Variants in SYT1 observed in about 807,000 individuals in gnomAD.
SYT1 encodes the protein synaptotagmin 1.
Under a neutral mutation model 44.8 loss-of-function variants are expected in SYT1, and 8 were observed. That is an observed-to-expected ratio of 0.18 (90% CI 0.10 to 0.32). The LOEUF is 0.32. Among genes scored for constraint, SYT1 ranks in the 10% least tolerant of loss-of-function variants. The pLI, the probability that SYT1 is intolerant of heterozygous loss-of-function variation, is 1.00. For missense variants in SYT1, 286 were observed against 509.3 expected, an observed-to-expected ratio of 0.56 and a Z score of 4.22; for synonymous variants, 154 against 188.8, an observed-to-expected ratio of 0.82 and a Z score of 1.51.
At chr12:79,018,704 A>G (rs1054888813) in intron 2 of SYT1, among the ~76,000 whole-genome samples, 4 of 152,022 alleles carry the variant, frequency 2.6e-5, no homozygotes, top group Admixed American at 1.3e-4. Context: ...CATTCCTGGA[A>G]GAAAAGTTGC....
At chr12:79,185,999 A>G (rs1379501737) in intron 3 of SYT1, among the ~76,000 whole-genome samples, 5 of 151,908 alleles carry the variant, frequency 3.3e-5, no homozygotes, top group South Asian at 2.1e-4. Context: ...AGCATTTTTT[A>G]TATCTTTCTT....
At chr12:78,978,469 A>C (rs531360349) in intron 2 of SYT1, among the ~76,000 whole-genome samples, 2 of 152,346 alleles carry the variant, frequency 1.3e-5, no homozygotes, top group East Asian at 3.9e-4. Flanking sequence ...AAGTACATAT[A>C]TCACACTGTG....
At chr12:78,935,204 G>A (rs1015440051) in intron 1 of SYT1, among the ~76,000 whole-genome samples, 3 of 152,174 alleles carry the variant, frequency 2.0e-5, no homozygotes, top group Non-Finnish European at 1.5e-5. Flanking sequence ...GAGACATCCC[G>A]TCCCCTCGGT....
intron 3 of SYT1, among the ~76,000 whole-genome samples, chr12:79,176,135 A>G (rs1391755262): frequency 6.6e-6 from 1 of 151,888 alleles, no homozygotes; most frequent in Non-Finnish European, 1.5e-5. Flanking sequence ...TACTAAAAAT[A>G]CAAAATTAGC....
At chr12:79,188,613 G>C (rs1185539151) in intron 3 of SYT1, among the ~76,000 whole-genome samples, 1 of 151,984 alleles carries the variant, frequency 6.6e-6, no homozygotes, top group Admixed American at 6.6e-5. Flanking sequence ...TTTATTCTTT[G>C]TTCCATTTCA....
At chr12:79,190,036 C>G (rs2138445240) in intron 3 of SYT1, among the ~76,000 whole-genome samples, 1 of 152,262 alleles carries the variant, frequency 6.6e-6, no homozygotes, top group East Asian at 1.9e-4. Flanking sequence ...ATTTTGCCTT[C>G]CACTCTGGTG....
intron 3 of SYT1, among the ~76,000 whole-genome samples, chr12:79,130,119 T>C (rs1868712594): frequency 6.6e-6 from 1 of 152,188 alleles, no homozygotes; most frequent in African/African-American, 2.4e-5. Flanking sequence ...TATACAGTTA[T>C]AGCCACCAAA....
intron 2 of SYT1, among the ~76,000 whole-genome samples, chr12:78,979,947 T>C (rs111699046): frequency 0.033 from 4,994 of 152,180 alleles, 116 homozygotes; most frequent in Non-Finnish European, 0.05. Context: ...TTTCAACCGA[T>C]CTTTTTGTTA....
intron 3 of SYT1, among the ~76,000 whole-genome samples, chr12:79,146,850 CT>C (rs1393377184): frequency 1.3e-5 from 2 of 151,884 alleles, no homozygotes; most frequent in South Asian, 2.1e-4. Flanking sequence ...ATATCTACTA[CT>C]TTTTTTTGAG....
chr12:79,163,056 A>T (rs548162618), intron 3 of SYT1, among the ~76,000 whole-genome samples: 1 of 152,250 alleles, frequency 6.6e-6, no homozygotes, highest in Admixed American at 6.6e-5. Flanking sequence ...AGCCTTTAAG[A>T]ACTATCCCCA....
rs1360408374 is a variant in SYT1, at chr12:79,217,608, C to G, written c.89C>G (p.Ala30Gly). ...TVLPSNATEP[A>G]SPGEGKEDAF... The stretch of plus-strand genomic sequence containing the variant: ...CTGCCAAGCAACGCCACAGAGCCAG[C>G]CAGTCCTGGAGAAGGAAAGGAAGAT... Residue 30 changes from alanine (A) to glycine (G), a missense_variant, in exon 4 of 11, where the codon GCC (alanine) becomes GGC (glycine). This residue lies in a region of SYT1 where 141 missense variants were observed against 165.7 expected (regional missense o/e 0.85). Transcript: ENST00000261205. 3.1e-6 allele frequency: 5 copies of G among 1,612,658 alleles called. No individual in the cohort carries two copies. In the Admixed American group the frequency reaches 8.4e-5, roughly 27 times the overall value.
rs71091653 is a variant in SYT1, at chr12:79,215,918, C to CTTTTTTTTT, written c.-17-1563_-17-1555dup. ...ACTCACAAATCGTTTGCATTTCTTTCTTTTTTTTTTTTTTTTTTTTTTTTT... is the reference window on the plus strand; with the variant it reads ...ACTCACAAATCGTTTGCATTTCTTTCTTTTTTTTTTTTTTTTTTTTTTTTTTTTTTTTTT... On this transcript the variant is annotated intron_variant, in intron 3 of 10. Transcript: ENST00000261205. Among the ~76,000 whole-genome samples the CTTTTTTTTT allele has an allele frequency of 5.4e-3, 416 of 76,816 alleles. 6 individuals carry two copies. Among genetic ancestry groups the CTTTTTTTTT allele is most frequent in the East Asian group, 0.011 (25 of 2,292 alleles). 50.4% of individuals were successfully genotyped at this position (76,816 alleles called of 152,430 possible). A position where few individuals can be genotyped will look rare whatever the true frequency, so the allele number is the denominator to read the frequency against.
At chr12:79,268,087 A>T (rs1487657738) in intron 4 of SYT1, among the ~76,000 whole-genome samples, 6 of 152,194 alleles carry the variant, frequency 3.9e-5, no homozygotes, top group Non-Finnish European at 7.3e-5. Context: ...AGGGACTGTG[A>T]ATTTGTTCAA....
chr12:79,113,720 A>G (rs1484251303), intron 3 of SYT1, among the ~76,000 whole-genome samples: 1 of 152,102 alleles, frequency 6.6e-6, no homozygotes, highest in African/African-American at 2.4e-5. Context: ...AAGCAGCATT[A>G]TATACCAGAG....
At chr12:78,984,119 A>G (rs1869461895) in intron 2 of SYT1, among the ~76,000 whole-genome samples, 2 of 151,926 alleles carry the variant, frequency 1.3e-5, no homozygotes, top group South Asian at 4.1e-4. Flanking sequence ...ATTCAGACCA[A>G]CCACCAAGAC....
intron 4 of SYT1, among the ~76,000 whole-genome samples, chr12:79,230,832 T>G (rs1248760969): frequency 6.6e-6 from 1 of 152,198 alleles, no homozygotes; most frequent in Non-Finnish European, 1.5e-5. Flanking sequence ...ATTTCAAAGA[T>G]ATTAAGAAAA....
chr12:79,159,077 C>T (rs1348363968), intron 3 of SYT1, among the ~76,000 whole-genome samples: 1 of 151,974 alleles, frequency 6.6e-6, no homozygotes, highest in Non-Finnish European at 1.5e-5. Flanking sequence ...TACATTAGGA[C>T]CAGATTGGAA....
intron 4 of SYT1, among the ~76,000 whole-genome samples, chr12:79,239,280 G>A (rs934024032): frequency 3.3e-5 from 5 of 152,140 alleles, no homozygotes; most frequent in Admixed American, 6.6e-5. Flanking sequence ...TCCCAATTTA[G>A]AGACATTTTG....
At chr12:78,866,822 A>G (rs1030389940) in intron 1 of SYT1, among the ~76,000 whole-genome samples, 2 of 152,144 alleles carry the variant, frequency 1.3e-5, no homozygotes, top group Non-Finnish European at 2.9e-5. Context: ...AGAATCTTCT[A>G]TCTTAACTGT....
Sources: gnomAD v4.1 joint callset for allele counts (sites outside exome capture counted in the v4.1 genomes callset) on GRCh38, gnomAD v4.1.1 for gene constraint, gnomAD v4.1.1 regional missense constraint, MANE v1.5 for transcripts, NCBI Gene and HGNC (gene_info 2026-07-23, HGNC 2026-07-21) for gene names.